Variants in SYNDIG1 observed in about 807,000 individuals in gnomAD.
SYNDIG1 encodes the protein synapse differentiation inducing 1, also known as synapse differentiation-inducing gene protein 1.
Under a neutral mutation model 19.4 loss-of-function variants are expected in SYNDIG1, and 9 were observed. That is an observed-to-expected ratio of 0.46 (90% CI 0.28 to 0.81). The LOEUF is 0.81. SYNDIG1 is among the 30% of genes least tolerant of loss of function. The pLI is 0.12. For missense variants in SYNDIG1, 311 were observed against 343.3 expected, an observed-to-expected ratio of 0.91 and a Z score of 0.74; for synonymous variants, 141 against 145.9, an observed-to-expected ratio of 0.97 and a Z score of 0.24.
At chr20:24,515,902 C>T (rs2056851777) in intron 1 of SYNDIG1, among the ~76,000 whole-genome samples, 1 of 152,130 alleles carries the variant, frequency 6.6e-6, no homozygotes, top group Non-Finnish European at 1.5e-5. Context: ...GCCAAAAGAA[C>T]AAAGCTGGAG....
chr20:24,563,295 G>T (rs2057980183), intron 2 of SYNDIG1, among the ~76,000 whole-genome samples: 1 of 152,158 alleles, frequency 6.6e-6, no homozygotes, highest in South Asian at 2.1e-4. Context: ...TTATCCCATA[G>T]AACTGATATT....
At chr20:24,515,739 AT>A (rs1255540304) in intron 1 of SYNDIG1, among the ~76,000 whole-genome samples, 4 of 152,260 alleles carry the variant, frequency 2.6e-5, no homozygotes, top group African/African-American at 9.6e-5. Flanking sequence ...GGAAGAATCA[AT>A]ATTGTGAAAA....
chr20:24,662,095 C>T (rs1367081683), intron 3 of SYNDIG1, among the ~76,000 whole-genome samples: 2 of 151,956 alleles, frequency 1.3e-5, no homozygotes, highest in Non-Finnish European at 2.9e-5. Context: ...TTGATAGTGA[C>T]CATTCAACCT....
chr20:24,578,043 A>G (rs2058257929), intron 2 of SYNDIG1, among the ~76,000 whole-genome samples: 1 of 152,254 alleles, frequency 6.6e-6, no homozygotes, highest in Admixed American at 6.5e-5. Context: ...TCCCTCATTC[A>G]TTCAGCAAAT....
chr20:24,508,966 C>T (rs887873158), intron 1 of SYNDIG1, among the ~76,000 whole-genome samples: 22 of 152,236 alleles, frequency 1.4e-4, no homozygotes, highest in Non-Finnish European at 2.2e-4. Context: ...ACATTCATGG[C>T]GATTTAAGAA....
chr20:24,501,151 A>G (rs1261568738), intron 1 of SYNDIG1, among the ~76,000 whole-genome samples: 1 of 152,216 alleles, frequency 6.6e-6, no homozygotes, highest in Non-Finnish European at 1.5e-5. Context: ...TAGACAGCAT[A>G]TTTACATATT....
rs1417838478 is a variant in SYNDIG1, at chr20:24,617,832, G to T, written c.618+32839G>T. On this transcript the variant is annotated intron_variant, in intron 3 of 3. Transcript: ENST00000376862. ...GAGGGTCTGAGAGTGGGGAGAGACCGGGAAGGGGGGTCCTGGGGGAGGGTA... is the reference window on the plus strand; with the variant it reads ...GAGGGTCTGAGAGTGGGGAGAGACCTGGAAGGGGGGTCCTGGGGGAGGGTA... Among the ~76,000 whole-genome samples, 4 of 144,784 alleles carry T rather than the reference G, an allele frequency of 2.8e-5. No homozygotes were observed. In the East Asian group the frequency reaches 8.4e-4, roughly 31 times the overall value. The allele number at this position is 144,784 out of a possible 152,430, so 95.0% of individuals were successfully genotyped here.
At chr20:24,494,769 C>T (rs548835342) in intron 1 of SYNDIG1, among the ~76,000 whole-genome samples, 17 of 152,168 alleles carry the variant, frequency 1.1e-4, no homozygotes, top group Non-Finnish European at 2.1e-4. Flanking sequence ...GCTTCAGGGA[C>T]CTCAGACGTG....
At chr20:24,483,312 T>C (rs1406964673) in intron 1 of SYNDIG1, among the ~76,000 whole-genome samples, 1 of 152,172 alleles carries the variant, frequency 6.6e-6, no homozygotes, top group African/African-American at 2.4e-5. Context: ...GCTCCAGGCA[T>C]GGGGTTACAT....
At chr20:24,597,796 GAGTC>G (rs1397636076) in intron 3 of SYNDIG1, among the ~76,000 whole-genome samples, 7 of 152,154 alleles carry the variant, frequency 4.6e-5, no homozygotes, top group Non-Finnish European at 8.8e-5. Context: ...CACCAACTGA[GAGTC>G]ACCTCGGTGT....
chr20:24,573,890 C>A (rs1395064557), intron 2 of SYNDIG1, among the ~76,000 whole-genome samples: 1 of 152,218 alleles, frequency 6.6e-6, no homozygotes, highest in Non-Finnish European at 1.5e-5. Context: ...TTACCCCACA[C>A]CTTCTCAGGT....
intron 1 of SYNDIG1, among the ~76,000 whole-genome samples, chr20:24,511,151 A>T (rs1233031832): frequency 6.6e-6 from 1 of 152,150 alleles, no homozygotes; most frequent in Non-Finnish European, 1.5e-5. Context: ...TTCCCTGCTG[A>T]CTGAGGCTCA....
intron 1 of SYNDIG1, among the ~76,000 whole-genome samples, chr20:24,480,832 A>G (rs777396703): frequency 6.6e-6 from 1 of 152,214 alleles, no homozygotes; most frequent in African/African-American, 2.4e-5. Context: ...CTACAACATG[A>G]TGAACCCTGA....
chr20:24,533,356 C>T (rs1205333052), intron 1 of SYNDIG1, among the ~76,000 whole-genome samples: 1 of 152,170 alleles, frequency 6.6e-6, no homozygotes, highest in Admixed American at 6.5e-5. Flanking sequence ...TTCTCCAGTT[C>T]TGACCACAGA....
At chr20:24,557,577 C>T (rs1600619261) in intron 2 of SYNDIG1, among the ~76,000 whole-genome samples, 1 of 152,186 alleles carries the variant, frequency 6.6e-6, no homozygotes, top group South Asian at 2.1e-4. Flanking sequence ...CCACTCCAGA[C>T]CCTGTTTGCC....
intron 1 of SYNDIG1, among the ~76,000 whole-genome samples, chr20:24,526,468 G>A (rs900310636): frequency 1.3e-5 from 2 of 151,942 alleles, no homozygotes; most frequent in Non-Finnish European, 2.9e-5. Flanking sequence ...CACACTTCTG[G>A]AACATTAAAA....
At chr20:24,496,627 G>A (rs184642418) in intron 1 of SYNDIG1, among the ~76,000 whole-genome samples, 35 of 152,178 alleles carry the variant, frequency 2.3e-4, no homozygotes, top group Non-Finnish European at 4.1e-4. Context: ...CTTTAAAATG[G>A]GCATCATAAT....
intron 1 of SYNDIG1, among the ~76,000 whole-genome samples, chr20:24,477,045 G>C (rs549929158): frequency 6.6e-6 from 1 of 152,246 alleles, no homozygotes; most frequent in Non-Finnish European, 1.5e-5. Context: ...GACATGAAAT[G>C]TATCTGTTGA....
intron 1 of SYNDIG1, among the ~76,000 whole-genome samples, chr20:24,534,819 C>A (rs530199557): frequency 5.3e-5 from 8 of 152,204 alleles, no homozygotes; most frequent in Non-Finnish European, 1.2e-4. Flanking sequence ...CTGCCACATG[C>A]TCGTGGTGTG....
Sources: gnomAD v4.1 joint callset for allele counts (sites outside exome capture counted in the v4.1 genomes callset) on GRCh38, gnomAD v4.1.1 for gene constraint, MANE v1.5 for transcripts, NCBI Gene and HGNC (gene_info 2026-07-23, HGNC 2026-07-21) for gene names.